RBFOX1: variants seen among roughly 807,000 people sequenced by gnomAD.
RBFOX1 encodes RNA binding fox-1 homolog 1.
RBFOX1 carries 8 observed loss-of-function variants against 57.7 expected under a neutral mutation model. That is an observed-to-expected ratio of 0.14 (90% confidence interval 0.08 to 0.25). The LOEUF is 0.25. Ranked by LOEUF, RBFOX1 falls within the 10% of genes least tolerant of loss-of-function variation. The pLI is 1.00. For synonymous variants in RBFOX1, 326 were observed against 222.4 expected (o/e 1.47, Z -4.15); for missense variants, 611 against 548.5 (o/e 1.11, Z -1.14).
chr16:5,856,187 C>CTCTCTCTCTCTATATATATA (rs1430331422), intron 3 of RBFOX1, among the ~76,000 whole-genome samples: 5 of 31,062 alleles, frequency 1.6e-4, no homozygotes, highest in African/African-American at 7.1e-4. Flanking sequence ...CTCTCTCTCT[C>CTCTCTCTCTCTATATATATA]TATATATATA....
intron 9 of RBFOX1, among the ~76,000 whole-genome samples, chr16:7,601,712 A>G (rs1191686593): frequency 1.3e-5 from 2 of 152,218 alleles, no homozygotes; most frequent in Non-Finnish European, 2.9e-5. Flanking sequence ...GAGCAGTGGT[A>G]AATGTGACTA....
chr16:6,314,311 C>T (rs1265293524), intron 1 of RBFOX1, among the ~76,000 whole-genome samples: 4 of 152,200 alleles, frequency 2.6e-5, no homozygotes, highest in African/African-American at 9.7e-5. Flanking sequence ...TTGCCCTTGC[C>T]TTCCAGAAAT....
chr16:5,960,069 C>T (rs2059718821), intron 4 of RBFOX1, among the ~76,000 whole-genome samples: 1 of 152,078 alleles, frequency 6.6e-6, no homozygotes, highest in Admixed American at 6.5e-5. Flanking sequence ...GGCATGGTGA[C>T]ATGTGCCTGT....
chr16:6,334,456 C>T (rs369717718), intron 2 of RBFOX1, among the ~76,000 whole-genome samples: 70 of 138,050 alleles, frequency 5.1e-4, no homozygotes, highest in African/African-American at 1.9e-3. Flanking sequence ...TGCAGTGAGC[C>T]GAGATCATGC....
intron 4 of RBFOX1, among the ~76,000 whole-genome samples, chr16:5,937,066 A>C (rs965306741): frequency 6.0e-5 from 9 of 150,678 alleles, no homozygotes; most frequent in African/African-American, 2.2e-4. Context: ...GTTTGTCTGC[A>C]TCATAGACCT....
intron 2 of RBFOX1, among the ~76,000 whole-genome samples, chr16:5,491,450 C>T (rs896109108): frequency 6.6e-6 from 1 of 152,180 alleles, no homozygotes. Flanking sequence ...CATATATTCA[C>T]CAAGTGTCAT....
chr16:7,678,741 T>C (rs2074021597), intron 14 of RBFOX1, among the ~76,000 whole-genome samples: 1 of 152,216 alleles, frequency 6.6e-6, no homozygotes. Context: ...TGGCCATCCC[T>C]ACTTGCATTC....
intron 3 of RBFOX1, among the ~76,000 whole-genome samples, chr16:6,808,835 C>G (rs573898093): frequency 6.6e-6 from 1 of 152,138 alleles, no homozygotes; most frequent in Non-Finnish European, 1.5e-5. Flanking sequence ...TAGAAAATCA[C>G]TACCTCTTAC....
chr16:7,374,651 A>T (rs558195362), intron 4 of RBFOX1, among the ~76,000 whole-genome samples: 1 of 152,314 alleles, frequency 6.6e-6, no homozygotes, highest in South Asian at 2.1e-4. Context: ...AAAAATTAAA[A>T]ATAAAAAATG....
At chr16:6,961,442 G>T (rs2082987813) in intron 3 of RBFOX1, among the ~76,000 whole-genome samples, 1 of 152,200 alleles carries the variant, frequency 6.6e-6, no homozygotes, top group Admixed American at 6.5e-5. Flanking sequence ...TGTTGCTTTT[G>T]TTATCAGAAA....
intron 4 of RBFOX1, among the ~76,000 whole-genome samples, chr16:7,167,025 G>T (rs55732172): frequency 1.3e-5 from 1 of 76,422 alleles, no homozygotes; most frequent in Non-Finnish European, 2.6e-5. Context: ...TCTTTCTGTC[G>T]CCCAGGTTGG....
chr16:5,615,508 G>A (rs2047988523), intron 3 of RBFOX1, among the ~76,000 whole-genome samples: 1 of 152,202 alleles, frequency 6.6e-6, no homozygotes, highest in Admixed American at 6.5e-5. Context: ...ATAGACATGA[G>A]GACAGGAGGG....
At chr16:5,699,764 G>C (rs549662721) in intron 3 of RBFOX1, among the ~76,000 whole-genome samples, 47 of 152,272 alleles carry the variant, frequency 3.1e-4, no homozygotes, top group African/African-American at 1.1e-3. Flanking sequence ...ACAATGCCAA[G>C]GTTGAGAAAT....
chr16:6,951,129 A>T (rs969220043), intron 3 of RBFOX1, among the ~76,000 whole-genome samples: 2 of 151,914 alleles, frequency 1.3e-5, no homozygotes. Flanking sequence ...CTGGTCTTAA[A>T]CTCCTGGACT....
chr16:6,914,509 G>C (rs1413544962), intron 3 of RBFOX1, among the ~76,000 whole-genome samples: 1 of 151,838 alleles, frequency 6.6e-6, no homozygotes, highest in Non-Finnish European at 1.5e-5. Context: ...AGCCACCTTT[G>C]ATAAGTGAGA....
intron 3 of RBFOX1, among the ~76,000 whole-genome samples, chr16:5,795,108 C>G (rs186041962): frequency 3.9e-5 from 6 of 152,126 alleles, no homozygotes; most frequent in African/African-American, 1.4e-4. Context: ...AAAGAAATAC[C>G]TACCTTATTA....
At chr16:5,928,432 G>A (rs1045255740) in intron 4 of RBFOX1, among the ~76,000 whole-genome samples, 1 of 151,846 alleles carries the variant, frequency 6.6e-6, no homozygotes, top group Non-Finnish European at 1.5e-5. Flanking sequence ...AAAAGTATGT[G>A]AGATGATGGA....
intron 5 of RBFOX1, among the ~76,000 whole-genome samples, chr16:7,566,973 G>A (rs1051057937): frequency 6.6e-6 from 1 of 151,756 alleles, no homozygotes; most frequent in African/African-American, 2.4e-5. Flanking sequence ...TATTTACAGA[G>A]TAAAGGGAAA....
At position 7,607,446 on chromosome 16, in the gene RBFOX1, T is replaced by G. The variant is rs1486129714; in HGVS notation, c.676+108T>G. On this transcript the variant is annotated intron_variant, in intron 10 of 15. Transcript: ENST00000550418. ...ATAACCTGAAGCAAGTGAATTCCTA[T>G]CCTAACAAGTTCTGAATGATTTCTT... The G allele has an allele frequency of 4.0e-6, 4 of 1,007,960 alleles. No homozygotes were observed. The East Asian group carries it at 9.7e-5, about 24-fold the overall frequency. The allele number at this position is 1,007,960 out of a possible 1,614,324, so 62.4% of individuals were successfully genotyped here. A position where few individuals can be genotyped will look rare whatever the true frequency, so the allele number is the denominator to read the frequency against.
Sources: gnomAD v4.1 joint callset for allele counts (sites outside exome capture counted in the v4.1 genomes callset) on GRCh38, gnomAD v4.1.1 for gene constraint, MANE v1.5 for transcripts, NCBI Gene and HGNC (gene_info 2026-07-23, HGNC 2026-07-21) for gene names.